The following KSR2 variants were observed in gnomAD, a reference collection of about 807,000 sequenced individuals.
KSR2 encodes kinase suppressor of ras 2.
A neutral mutation model predicts 107.8 loss-of-function variants in KSR2; 25 were observed. The observed-to-expected ratio is 0.23, with a 90% CI of 0.17 to 0.32. The LOEUF (loss-of-function observed/expected upper bound fraction) is 0.32. Ranked by LOEUF, KSR2 falls within the 10% of genes least tolerant of loss-of-function variation. KSR2 has a pLI of 1.00. For missense variants in KSR2, 887 were observed against 1,268.9 expected (o/e 0.70, Z 4.57); for synonymous variants, 480 against 507.0 (o/e 0.95, Z 0.71).
intron 1 of KSR2, among the ~76,000 whole-genome samples, chr12:117,964,647 G>A (rs879933652): frequency 4.6e-5 from 7 of 152,138 alleles, no homozygotes; most frequent in Admixed American, 6.6e-5. Flanking sequence ...AGCACCTGCA[G>A]CCACTCTGTT....
At chr12:117,771,797 G>A (rs1258745319) in intron 3 of KSR2, among the ~76,000 whole-genome samples, 3 of 152,024 alleles carry the variant, frequency 2.0e-5, no homozygotes, top group African/African-American at 4.8e-5. Context: ...TCCTGCAGCT[G>A]AGCTGGGACC....
At chr12:117,556,591 A>G (rs544651215) in intron 8 of KSR2, among the ~76,000 whole-genome samples, 4 of 152,176 alleles carry the variant, frequency 2.6e-5, no homozygotes, top group African/African-American at 9.7e-5. Flanking sequence ...GGGACACATC[A>G]CAGTGCTTTC....
At chr12:117,893,549 C>T (rs1461186118) in intron 1 of KSR2, among the ~76,000 whole-genome samples, 2 of 152,308 alleles carry the variant, frequency 1.3e-5, no homozygotes, top group Admixed American at 1.3e-4. Context: ...CCACCCACTA[C>T]CTGTGAGATT....
chr12:117,692,359 G>C (rs888963827), intron 4 of KSR2, among the ~76,000 whole-genome samples: 1 of 150,622 alleles, frequency 6.6e-6, no homozygotes, highest in African/African-American at 2.4e-5. Flanking sequence ...TCACAGGTGA[G>C]GATATAAAAT....
chr12:117,521,953 A>G (rs1874782362), intron 14 of KSR2, among the ~76,000 whole-genome samples: 1 of 152,360 alleles, frequency 6.6e-6, no homozygotes, highest in East Asian at 1.9e-4. Flanking sequence ...TAAGATAAAT[A>G]TATAACAACA....
intron 5 of KSR2, among the ~76,000 whole-genome samples, chr12:117,590,483 T>C (rs1026236017): frequency 3.3e-5 from 5 of 152,274 alleles, no homozygotes; most frequent in African/African-American, 9.6e-5. Flanking sequence ...CCTCATAAGA[T>C]TGGTAGGAGG....
chr12:117,648,818 T>TCAGCCAAACAGAAAATATGCC (rs1883767069), intron 5 of KSR2, among the ~76,000 whole-genome samples: 1 of 152,144 alleles, frequency 6.6e-6, no homozygotes, highest in Non-Finnish European at 1.5e-5. Flanking sequence ...GGAAATATGC[T>TCAGCCAAACAGAAAATATGCC]CAGCCAAACA....
chr12:117,740,127 T>C (rs1339343001), intron 4 of KSR2, among the ~76,000 whole-genome samples: 3 of 150,916 alleles, frequency 2.0e-5, no homozygotes, highest in Non-Finnish European at 2.9e-5. Flanking sequence ...ATCATTCTTA[T>C]GCCTTTGCAT....
intron 16 of KSR2, among the ~76,000 whole-genome samples, chr12:117,480,399 C>T (rs1872107053): frequency 6.6e-6 from 1 of 152,080 alleles, no homozygotes; most frequent in Admixed American, 6.5e-5. Context: ...TGGCGATGGG[C>T]CCACCGATGA....
rs149024419 is a variant in KSR2 at position 117,563,005 on chromosome 12, C to G, written c.1326-4432G>C. Among the ~76,000 whole-genome samples the G allele has an allele frequency of 4.6e-3, 697 of 152,276 alleles. 5 individuals are homozygous for G. Among genetic ancestry groups the G allele is most frequent in the African/African-American group, 0.015 (640 of 41,548 alleles). On this transcript the variant is annotated intron_variant, in intron 7 of 19. Transcript: ENST00000339824. The stretch of plus-strand genomic sequence containing the variant: ...CCTGAAATTACACAGACTCTGGAGA[C>G]AGAGGGAAGAGGGACCACAGCAAGG...
chr12:117,966,623 G>GCACACACACACA (rs71099095), intron 1 of KSR2, among the ~76,000 whole-genome samples: 2 of 143,094 alleles, frequency 1.4e-5, no homozygotes, highest in South Asian at 2.3e-4. Flanking sequence ...ACACGCGCAC[G>GCACACACACACA]CACACACACA....
intron 1 of KSR2, among the ~76,000 whole-genome samples, chr12:117,906,632 C>T (rs529966269): frequency 6.6e-6 from 1 of 151,978 alleles, no homozygotes; most frequent in Non-Finnish European, 1.5e-5. Context: ...CTTGCCTTCA[C>T]ACAGTTTCTA....
At chr12:117,887,046 C>A (rs1321525941) in intron 1 of KSR2, among the ~76,000 whole-genome samples, 1 of 152,056 alleles carries the variant, frequency 6.6e-6, no homozygotes, top group Admixed American at 6.6e-5. Context: ...ACTTCAGCCT[C>A]CCCAGTAGTT....
At chr12:117,659,035 T>C (rs1884309038) in intron 5 of KSR2, among the ~76,000 whole-genome samples, 3 of 152,144 alleles carry the variant, frequency 2.0e-5, no homozygotes, top group South Asian at 2.1e-4. Context: ...CTATCGCAGA[T>C]AGAAATCAAC....
Position 117,579,107 on chromosome 12 carries a change from A to G in KSR2, c.1325+12T>C. The G allele has an allele frequency of 6.2e-7, 1 of 1,607,098 alleles. No homozygotes were observed. On this transcript the variant is annotated intron_variant, in intron 7 of 19. Transcript: ENST00000339824. ...GTGCTGCGAAAAGTCACTGCAGGGC[A>G]CAGTCACTTACTTGCAGTTTTTACA...
chr12:117,790,198 A>T (rs1890207770), intron 3 of KSR2, among the ~76,000 whole-genome samples: 1 of 152,200 alleles, frequency 6.6e-6, no homozygotes, highest in Non-Finnish European at 1.5e-5. Context: ...CGTGCCTGTG[A>T]CACAGCCTCA....
Position 117,457,942 on chromosome 12 carries a change from T to G in KSR2, c.*9257A>C, listed in dbSNP as rs539552867. The stretch of plus-strand genomic sequence containing the variant: ...AGCAGCTCTCCCACAGTATACCCTC[T>G]CCCATGTTTCTGGTCCCCCGTGAGT... On this transcript the variant is annotated 3_prime_UTR_variant, in exon 20 of 20. Transcript: ENST00000339824. 2 of 152,182 alleles carry G rather than the reference T, an allele frequency of 1.3e-5. No homozygotes were observed. The highest frequency in any genetic ancestry group is 6.6e-5 in the Admixed American group (1 of 15,266). The allele number at this position is 152,182 out of a possible 1,614,324, so 9.4% of individuals were successfully genotyped here.
chr12:117,508,782 GGGTGGCTGGATA>G (rs554492870), intron 14 of KSR2, among the ~76,000 whole-genome samples: 4 of 151,926 alleles, frequency 2.6e-5, no homozygotes, highest in Non-Finnish European at 5.9e-5. Context: ...GTAGATGGAT[GGGTGGCTGGATA>G]GGTGGTTAGT....
At chr12:117,831,172 T>C (rs1403643911) in intron 3 of KSR2, among the ~76,000 whole-genome samples, 1 of 152,256 alleles carries the variant, frequency 6.6e-6, no homozygotes, top group Non-Finnish European at 1.5e-5. Flanking sequence ...TCACTCTTTC[T>C]TTCTCTTTCC....
Sources: gnomAD v4.1 joint callset for allele counts (sites outside exome capture counted in the v4.1 genomes callset) on GRCh38, gnomAD v4.1.1 for gene constraint, MANE v1.5 for transcripts, NCBI Gene and HGNC (gene_info 2026-07-23, HGNC 2026-07-21) for gene names.